NIPA1: variants seen among roughly 807,000 people sequenced by gnomAD.
The protein encoded by NIPA1 is NIPA magnesium transporter 1, also known as magnesium transporter NIPA1.
NIPA1 carries 13 observed loss-of-function variants against 23.9 expected under a neutral mutation model. That is an observed-to-expected ratio of 0.54 (90% CI 0.35 to 0.87). The LOEUF (loss-of-function observed/expected upper bound fraction) is 0.87. Among genes scored for constraint, NIPA1 ranks in the 40% least tolerant of loss-of-function variants. NIPA1 has a pLI of 0.01. For missense variants in NIPA1, 362 were observed against 429.7 expected (o/e 0.84, Z 1.39); for synonymous variants, 234 against 202.9 (o/e 1.15, Z -1.30).
intron 2 of NIPA1, among the ~76,000 whole-genome samples, chr15:22,811,884 G>A (rs188643651): frequency 5.9e-5 from 9 of 152,300 alleles, no homozygotes; most frequent in African/African-American, 1.4e-4. Flanking sequence ...TTAAGAGAGC[G>A]GAGATATGCC....
chr15:22,818,202 GC>G (rs1895464235), intron 3 of NIPA1, among the ~76,000 whole-genome samples: 1 of 151,588 alleles, frequency 6.6e-6, no homozygotes, highest in Non-Finnish European at 1.5e-5. Context: ...ACTTTGGGAG[GC>G]CGAGGCGGGT....
At chr15:22,813,052 T>A (rs1895350031) in intron 3 of NIPA1, among the ~76,000 whole-genome samples, 1 of 152,248 alleles carries the variant, frequency 6.6e-6, no homozygotes, top group African/African-American at 2.4e-5. Flanking sequence ...ACGCAGTCAA[T>A]AGCACATGGA....
intron 3 of NIPA1, among the ~76,000 whole-genome samples, chr15:22,817,135 C>G (rs566305814): frequency 2.2e-5 from 3 of 138,716 alleles, no homozygotes; most frequent in Non-Finnish European, 4.5e-5. Context: ...TACAGTGAGC[C>G]GAGATTGTGC....
intron 4 of NIPA1, among the ~76,000 whole-genome samples, chr15:22,821,774 A>G (rs1895545769): frequency 6.6e-6 from 1 of 152,202 alleles, no homozygotes; most frequent in Non-Finnish European, 1.5e-5. Flanking sequence ...GCATGTCCAC[A>G]CTTGCTGGTT....
At chr15:22,808,204 C>T (rs907591804) in intron 1 of NIPA1, among the ~76,000 whole-genome samples, 13 of 152,174 alleles carry the variant, frequency 8.5e-5, no homozygotes, top group Non-Finnish European at 1.9e-4. Context: ...ATTCGGCATG[C>T]ATTTTGGGAT....
chr15:22,807,804 G>GTGTGTGTGTGTGTGTGT (rs1895240688), intron 1 of NIPA1, among the ~76,000 whole-genome samples: 9 of 150,684 alleles, frequency 6.0e-5, no homozygotes, highest in East Asian at 1.9e-4. Context: ...GTGTGTGTGT[G>GTGTGTGTGTGTGTGTGT]ATGGAGTCTC....
intron 1 of NIPA1, among the ~76,000 whole-genome samples, chr15:22,789,503 G>A (rs917211196): frequency 5.3e-5 from 8 of 152,114 alleles, no homozygotes; most frequent in African/African-American, 1.9e-4. Flanking sequence ...ACCAGCCGGC[G>A]GGGCAGAGTC....
chr15:22,799,816 C>A (rs1178536182), intron 1 of NIPA1, among the ~76,000 whole-genome samples: 2 of 148,164 alleles, frequency 1.3e-5, no homozygotes, highest in African/African-American at 5.0e-5. Flanking sequence ...TGTTGTGGTG[C>A]ACCTGTAGTC....
At chr15:22,812,448 TCAAGAC>T (rs1433698369) in intron 3 of NIPA1, among the ~76,000 whole-genome samples, 195 bp downstream of exon 3, 1 of 152,038 alleles carries the variant, frequency 6.6e-6, no homozygotes, top group African/African-American at 2.4e-5. Context: ...GGTCACGAGT[TCAAGAC>T]CAGCCTGGCC....
At chr15:22,813,421 C>T (rs1280374957) in intron 3 of NIPA1, among the ~76,000 whole-genome samples, 1 of 152,092 alleles carries the variant, frequency 6.6e-6, no homozygotes, top group Non-Finnish European at 1.5e-5. Context: ...AACTGGAGGG[C>T]TGCAAGCCAT....
rs1191576484 is a variant in NIPA1, at chr15:22,826,704, C to G, written c.*2465C>G. 2 of 152,140 alleles carry G rather than the reference C, an allele frequency of 1.3e-5. No individual in the cohort carries two copies. Among genetic ancestry groups the G allele is most frequent in the Non-Finnish European group, 2.9e-5 (2 of 68,024 alleles). The allele number at this position is 152,140 out of a possible 1,614,324, so 9.4% of individuals were successfully genotyped here. On this transcript the variant is annotated 3_prime_UTR_variant, in exon 5 of 5. Transcript: ENST00000337435. ...ATATTCTTAGAGTAAAACAAAATCTCAAAAGTATTAATAGCTCTTCTACCC... is the reference window on the plus strand; with the variant it reads ...ATATTCTTAGAGTAAAACAAAATCTGAAAAGTATTAATAGCTCTTCTACCC...
chr15:22,803,670 G>C (rs1405166955), intron 1 of NIPA1, among the ~76,000 whole-genome samples: 1 of 131,914 alleles, frequency 7.6e-6, no homozygotes, highest in African/African-American at 3.2e-5. Flanking sequence ...TACCGGGCCC[G>C]GCTAATTTTT....
At chr15:22,793,945 G>A (rs1292126368) in intron 1 of NIPA1, among the ~76,000 whole-genome samples, 3 of 152,082 alleles carry the variant, frequency 2.0e-5, no homozygotes, top group Non-Finnish European at 4.4e-5. Flanking sequence ...TTATACAAAT[G>A]CCAGGCTATT....
At position 22,819,067 on chromosome 15, in the gene NIPA1, TG is replaced by T. The variant is rs142274804; in HGVS notation, c.318-1245del. Among the ~76,000 whole-genome samples, 114 of 152,262 alleles carry T rather than the reference TG, an allele frequency of 7.5e-4. 1 individual carries two copies. The highest frequency in any genetic ancestry group is 2.5e-3 in the African/African-American group (103 of 41,548). On this transcript the variant is annotated intron_variant, in intron 3 of 4. Transcript: ENST00000337435. ...CTAGTTGTGTATTCATGTCTTTTGT[TG>T]TTTCTTTCAGTGATGTTGCTTATTT...
chr15:22,786,688 C>A lies in NIPA1; in HGVS notation c.32C>A (p.Ala11Glu). Residue 11 changes from alanine (A) to glutamate (E), a missense_variant, in exon 1 of 5, where the codon GCG becomes GAG. By Grantham distance (107) the Ala-to-Glu change is moderately radical (BLOSUM62 -1). Around this residue, in one of 2 missense-constraint regions of NIPA1, gnomAD observed 85 missense variants for 57.7 expected, o/e 1.47. Transcript: ENST00000337435. The part of the protein sequence containing the change: MGTAAAAAAA[A>E]AAAAAGEGAR... ...ACTGCAGCTGCGGCAGCGGCGGCGG[C>A]GGCGGCGGCGGCGGCCGGGGAGGGG... 9.0e-7 allele frequency: 1 copy of A among 1,105,670 alleles called. No individual in the cohort carries two copies. The highest frequency in any genetic ancestry group is 1.1e-6 in the Non-Finnish European group (1 of 909,098). The allele number at this position is 1,105,670 out of a possible 1,614,324, so 68.5% of individuals were successfully genotyped here.
chr15:22,796,439 AATTTAT>A (rs1019727027), intron 1 of NIPA1, among the ~76,000 whole-genome samples: 139 of 152,070 alleles, frequency 9.1e-4, no homozygotes, highest in African/African-American at 3.3e-3. Context: ...GTATAAATGT[AATTTAT>A]ATTTATATTT....
At position 22,825,810 on chromosome 15, in the gene NIPA1, A is replaced by G. The variant is rs1380696024; in HGVS notation, c.*1571A>G. On this transcript the variant is annotated 3_prime_UTR_variant, in exon 5 of 5. Transcript: ENST00000337435. ...AGAGTTCCTCAGCTAACCTCTCATT[A>G]TGTGTCTTAAATGCAAAAGAGCCAT... is the stretch of plus-strand genomic sequence containing the variant. 2.0e-5 allele frequency: 3 copies of G among 152,634 alleles called. No individual in the cohort carries two copies. The highest frequency in any genetic ancestry group is 6.5e-5 in the Admixed American group (1 of 15,282). The allele number at this position is 152,634 out of a possible 1,614,324, so 9.5% of individuals were successfully genotyped here. A position where few individuals can be genotyped will look rare whatever the true frequency, so the allele number is the denominator to read the frequency against.
At position 22,786,802 on chromosome 15, in the gene NIPA1, A is replaced by G; in HGVS notation, c.146A>G (p.Gln49Arg). The change falls in exon 1 of 5, where the codon CAG becomes CGG. Residue 49 changes from glutamine to arginine, a missense_variant. Transcript: ENST00000337435. ...GTGAACGGGTCCACGTTCGTGCTAC[A>G]GAAGAAGGGCATCGTGCGTGCCAAG... ...SLVNGSTFVL[Q>R]KKGIVRAKRR... 7.8e-7 allele frequency: 1 copy of G among 1,281,080 alleles called. No individual in the cohort carries two copies. The highest frequency in any genetic ancestry group is 1.0e-6 in the Non-Finnish European group (1 of 991,688). The allele number at this position is 1,281,080 out of a possible 1,614,324, so 79.4% of individuals were successfully genotyped here. A position where few individuals can be genotyped will look rare whatever the true frequency, so the allele number is the denominator to read the frequency against.
intron 3 of NIPA1, chr15:22,814,253 GT>G (rs1024893383): frequency 8.3e-4 from 250 of 300,798 alleles, no homozygotes; most frequent in South Asian, 1.5e-3. Flanking sequence ...GTATATATGA[GT>G]TTTTTTTTTG....
Sources: allele counts gnomAD v4.1 joint callset (sites outside exome capture counted in the v4.1 genomes callset), GRCh38; gene constraint gnomAD v4.1.1; regional missense constraint gnomAD v4.1.1; transcripts MANE v1.5; gene names NCBI Gene and HGNC (gene_info 2026-07-23, HGNC 2026-07-21).